The following ROBO2 variants were observed in gnomAD, a reference collection of about 807,000 sequenced individuals.
The protein encoded by ROBO2 is roundabout homolog 2.
A neutral mutation model predicts 160.8 loss-of-function variants in ROBO2; 53 were observed. The ratio of observed to expected loss-of-function variants is 0.33; its 90% CI spans 0.26 to 0.41. The LOEUF (loss-of-function observed/expected upper bound fraction) is 0.41, where lower values mean the gene tolerates loss of function less well. Ranked by LOEUF, ROBO2 falls within the 10% of genes least tolerant of loss-of-function variation. The pLI is 1.00. For missense variants in ROBO2, 1,577 were observed against 1,722.4 expected (o/e 0.92, Z 1.49); for synonymous variants, 664 against 611.7 (o/e 1.09, Z -1.26).
At chr3:76,483,543 A>G (rs2079323798) in intron 2 of ROBO2, among the ~76,000 whole-genome samples, 1 of 152,178 alleles carries the variant, frequency 6.6e-6, no homozygotes, top group Non-Finnish European at 1.5e-5. Flanking sequence ...CCATATGCAG[A>G]ATCCATATTA....
intron 2 of ROBO2, among the ~76,000 whole-genome samples, chr3:76,716,483 G>C (rs2093381208): frequency 6.6e-6 from 1 of 152,110 alleles, no homozygotes; most frequent in African/African-American, 2.4e-5. Context: ...CCATGCTGAG[G>C]TTATTTAAAA....
intron 2 of ROBO2, among the ~76,000 whole-genome samples, chr3:76,119,521 A>C (rs2070630272): frequency 6.6e-6 from 1 of 152,124 alleles, no homozygotes; most frequent in African/African-American, 2.4e-5. Context: ...TTATATAATT[A>C]TTGATTTGAT....
chr3:77,549,694 T>C (rs998803148), intron 7 of ROBO2, among the ~76,000 whole-genome samples: 14 of 152,034 alleles, frequency 9.2e-5, no homozygotes, highest in Non-Finnish European at 1.5e-4. Flanking sequence ...ATTAAAGTCA[T>C]TGAGCATAAT....
intron 2 of ROBO2, among the ~76,000 whole-genome samples, chr3:76,194,353 A>ATATATATAT (rs1553672736): frequency 0.054 from 5,110 of 94,034 alleles, 564 homozygotes; most frequent in Non-Finnish European, 0.069. Flanking sequence ...ATGGTGTGTA[A>ATATATATAT]ATATATATAT....
intron 2 of ROBO2, among the ~76,000 whole-genome samples, chr3:76,930,006 A>G (rs2077235377): frequency 1.3e-5 from 2 of 151,948 alleles, no homozygotes; most frequent in South Asian, 4.2e-4. Context: ...CTTCTTGTAT[A>G]TTACTTTGTC....
chr3:77,350,915 C>A (rs2068260559), intron 2 of ROBO2, among the ~76,000 whole-genome samples: 1 of 152,178 alleles, frequency 6.6e-6, no homozygotes, highest in South Asian at 2.1e-4. Context: ...ACTAAACACA[C>A]ACTTGGTGGC....
At chr3:77,528,107 A>G (rs1459679504) in intron 6 of ROBO2, among the ~76,000 whole-genome samples, 2 of 151,608 alleles carry the variant, frequency 1.3e-5, no homozygotes, top group African/African-American at 4.8e-5. Context: ...AACATTTGGA[A>G]GATAAAATTT....
chr3:77,606,547 G>A (rs2094529713), intron 20 of ROBO2, among the ~76,000 whole-genome samples: 1 of 152,146 alleles, frequency 6.6e-6, no homozygotes, highest in African/African-American at 2.4e-5. Flanking sequence ...TGAAATATGT[G>A]TGAAGGTGTG....
intron 2 of ROBO2, among the ~76,000 whole-genome samples, chr3:76,122,988 C>A (rs946562084): frequency 6.6e-6 from 1 of 152,216 alleles, no homozygotes; most frequent in East Asian, 1.9e-4. Context: ...ACCTCCTGAT[C>A]TGCCCACCTC....
chr3:76,242,751 G>A (rs993985364), intron 2 of ROBO2, among the ~76,000 whole-genome samples: 10 of 152,040 alleles, frequency 6.6e-5, no homozygotes, highest in Non-Finnish European at 1.5e-4. Flanking sequence ...AAGACATGGT[G>A]GTGCATGCCT....
At chr3:77,499,587 T>C (rs967641079) in intron 5 of ROBO2, among the ~76,000 whole-genome samples, 1 of 151,706 alleles carries the variant, frequency 6.6e-6, no homozygotes, top group African/African-American at 2.4e-5. Flanking sequence ...CATTTTCCTA[T>C]CTTTGGCCAT....
rs536554323 is a variant in ROBO2 at position 76,814,118 on chromosome 3, T to C, written c.110-283896T>C. On this transcript the variant is annotated intron_variant, in intron 2 of 26. Coordinates refer to the ROBO2 transcript ENST00000487694. ...CTAGATGGGCAAATTAAAAACGAAG[T>C]ATCCGTCTGGTTAGTATGTAAGATA... is the stretch of plus-strand genomic sequence containing the variant. Among the ~76,000 whole-genome samples, 5 of 152,246 alleles carry C rather than the reference T, an allele frequency of 3.3e-5. No individual in the cohort carries two copies. The South Asian group carries it at 1.0e-3, about 32-fold the overall frequency.
intron 2 of ROBO2, among the ~76,000 whole-genome samples, chr3:76,256,936 G>A (rs1706431114): frequency 2.0e-5 from 3 of 151,796 alleles, no homozygotes; most frequent in Admixed American, 6.6e-5. Flanking sequence ...AGAGTGGGGC[G>A]GGGAGGGACC....
At chr3:76,538,176 C>A (rs1013941509) in intron 2 of ROBO2, among the ~76,000 whole-genome samples, 1 of 151,858 alleles carries the variant, frequency 6.6e-6, no homozygotes. Flanking sequence ...CACACACACA[C>A]ACACACACCA....
At chr3:76,660,995 G>T (rs1021413704) in intron 2 of ROBO2, among the ~76,000 whole-genome samples, 2 of 151,988 alleles carry the variant, frequency 1.3e-5, no homozygotes, top group Non-Finnish European at 2.9e-5. Flanking sequence ...AATTTTACAG[G>T]ATATTAAATA....
At chr3:77,555,943 T>A (rs1337873743) in intron 8 of ROBO2, among the ~76,000 whole-genome samples, 2 of 151,838 alleles carry the variant, frequency 1.3e-5, no homozygotes, top group Non-Finnish European at 2.9e-5. Flanking sequence ...GATGAGCTAC[T>A]CATTAGGGCA....
intron 2 of ROBO2, among the ~76,000 whole-genome samples, chr3:77,359,865 C>T (rs1232180813): frequency 6.6e-6 from 1 of 151,944 alleles, no homozygotes; most frequent in Non-Finnish European, 1.5e-5. Flanking sequence ...CGTTTATTTT[C>T]TGTAGAGACT....
At position 77,002,209 on chromosome 3, in the gene ROBO2, T is replaced by C. The variant is rs142001831; in HGVS notation, c.110-95805T>C. Among the ~76,000 whole-genome samples the C allele has an allele frequency of 4.0e-3, 616 of 152,160 alleles. 2 individuals carry two copies. Among genetic ancestry groups the C allele is most frequent in the African/African-American group, 0.014 (591 of 41,562 alleles). On this transcript the variant is annotated intron_variant, in intron 2 of 26. Coordinates refer to the ROBO2 transcript ENST00000487694. The stretch of plus-strand genomic sequence containing the variant: ...CTCTTTCATGTTCCAGAAATGGCCC[T>C]TATAGCCTATATTATGGGACTTGAT...
chr3:76,599,555 G>A (rs1056116986), intron 2 of ROBO2, among the ~76,000 whole-genome samples: 11 of 152,066 alleles, frequency 7.2e-5, no homozygotes, highest in Non-Finnish European at 1.5e-4. Context: ...ATTCCTTTGG[G>A]TATATACCCA....
Sources: gnomAD v4.1 joint callset for allele counts (sites outside exome capture counted in the v4.1 genomes callset) on GRCh38, gnomAD v4.1.1 for gene constraint, MANE v1.5 for transcripts, NCBI Gene and HGNC (gene_info 2026-07-23, HGNC 2026-07-21) for gene names.